Variants in FARS2 observed in about 807,000 individuals in gnomAD.
The protein encoded by FARS2 is phenylalanyl-tRNA synthetase 2, mitochondrial, also known as phenylalanine--tRNA ligase, mitochondrial.
Under a neutral mutation model 46.4 loss-of-function variants are expected in FARS2, and 40 were observed. The ratio of observed to expected loss-of-function variants is 0.86; its 90% CI spans 0.67 to 1.12. The LOEUF (loss-of-function observed/expected upper bound fraction) is 1.12. FARS2 is among the 50% of genes most tolerant of loss of function. The probability of loss-of-function intolerance (pLI) is 0.00; values close to 1 mark genes in which losing one functional copy is unlikely to be tolerated. For synonymous variants in FARS2, 234 were observed against 214.9 expected, an observed-to-expected ratio of 1.09 and a Z score of -0.78; for missense variants, 513 against 567.9, an observed-to-expected ratio of 0.90 and a Z score of 0.98.
intron 6 of FARS2, among the ~76,000 whole-genome samples, chr6:5,624,756 C>G (rs1250952208): frequency 6.6e-6 from 1 of 152,140 alleles, no homozygotes; most frequent in Non-Finnish European, 1.5e-5. Flanking sequence ...TAAACACACA[C>G]CAAGAGCAAC....
chr6:5,771,148 G>C lies in FARS2; in HGVS notation c.1218-143G>C, dbSNP rs978898264. On this transcript the variant is annotated intron_variant, in intron 6 of 6. Coordinates refer to ENST00000274680, the MANE Select transcript of FARS2 (RefSeq NM_006567.5). ...ACCTTCTCCCCCTGTATAAGATGCA[G>C]ATTGTTAGCGGTAAATGGTACCTGG... The C allele has an allele frequency of 7.3e-6, 6 of 823,022 alleles. No homozygotes were observed. In the South Asian group the frequency reaches 9.8e-5, roughly 13 times the overall value. 51.0% of individuals were successfully genotyped at this position (823,022 alleles called of 1,614,324 possible).
rs112738550 is a variant in FARS2 at position 5,272,976 on chromosome 6, T to G, written c.-22+11316T>G. 3.3e-3 allele frequency among the ~76,000 whole-genome samples: 510 copies of G among 152,318 alleles called. 5 individuals are homozygous for G. Among genetic ancestry groups the G allele is most frequent in the African/African-American group, 0.011 (459 of 41,540 alleles). On this transcript the variant is annotated intron_variant, in intron 1 of 6. Transcript: ENST00000274680. ...CCAGTTCCATTCATGTTGCTGCAAA[T>G]GGCAGAACTTCATTCTTTTCTATAG...
intron 4 of FARS2, among the ~76,000 whole-genome samples, chr6:5,442,300 A>G (rs1268657907): frequency 6.6e-6 from 1 of 151,866 alleles, no homozygotes; most frequent in Non-Finnish European, 1.5e-5. Context: ...ATCGGTTACT[A>G]ATCATTTGTC....
chr6:5,605,865 A>G (rs915320040), intron 5 of FARS2, among the ~76,000 whole-genome samples: 21 of 152,230 alleles, frequency 1.4e-4, no homozygotes, highest in African/African-American at 5.1e-4. Context: ...GTAAGTAGAT[A>G]AGGAAAAAAA....
intron 6 of FARS2, among the ~76,000 whole-genome samples, chr6:5,626,850 C>T (rs1468453842): frequency 1.3e-5 from 2 of 152,152 alleles, no homozygotes; most frequent in East Asian, 1.9e-4. Context: ...ATGGAGTGTA[C>T]TTACACAAAC....
intron 5 of FARS2, among the ~76,000 whole-genome samples, chr6:5,591,242 T>G (rs1773901600): frequency 6.6e-6 from 1 of 152,228 alleles, no homozygotes. Context: ...AAATGAAGTT[T>G]AGGTGTCTGA....
chr6:5,578,799 A>C (rs1773142728), intron 5 of FARS2, among the ~76,000 whole-genome samples: 1 of 130,936 alleles, frequency 7.6e-6, no homozygotes, highest in Non-Finnish European at 1.6e-5. Flanking sequence ...ACAGAGCGGC[A>C]CTCCGTCTCA....
upstream of FARS2, chr6:5,260,988 T>TCCGCCCCGCCCCGATCCCGCCC (rs1765067533): frequency 8.9e-7 from 1 of 1,126,336 alleles, no homozygotes. Flanking sequence ...GGGAGATGCC[T>TCCGCCCCGCCCCGATCCCGCCC]CCGCCCCGCC....
At chr6:5,446,767 G>GATAT (rs373591718) in intron 4 of FARS2, among the ~76,000 whole-genome samples, 2 of 151,576 alleles carry the variant, frequency 1.3e-5, no homozygotes, top group African/African-American at 2.4e-5. Flanking sequence ...GATGTTATAA[G>GATAT]ATATATATAT....
chr6:5,383,374 G>C (rs59327800), intron 2 of FARS2, among the ~76,000 whole-genome samples: 35,601 of 152,198 alleles, frequency 0.23, 5,285 homozygotes, highest in East Asian at 0.42. Flanking sequence ...CCCCTCCATG[G>C]CCTGGACATT....
Position 5,530,870 on chromosome 6 carries a change from A to G in FARS2, c.905-14310A>G, listed in dbSNP as rs562436840. On this transcript the variant is annotated intron_variant, in intron 4 of 6. Coordinates refer to ENST00000274680, the MANE Select transcript of FARS2 (RefSeq NM_006567.5). ...TCAATAGATATATATTTATACTTAT[A>G]TATCAATGGATATATAGTTACAATC... is the stretch of plus-strand genomic sequence containing the variant. 3.7e-3 allele frequency among the ~76,000 whole-genome samples: 549 copies of G among 147,664 alleles called. 3 individuals are homozygous for G. The highest frequency in any genetic ancestry group is 6.0e-3 in the Non-Finnish European group (404 of 67,060).
chr6:5,656,269 C>T (rs1464268871), intron 6 of FARS2, among the ~76,000 whole-genome samples: 1 of 152,194 alleles, frequency 6.6e-6, no homozygotes, highest in Non-Finnish European at 1.5e-5. Context: ...GCTGTGGAAG[C>T]CTTGACCTCC....
At chr6:5,366,716 A>G (rs900180972) in intron 1 of FARS2, among the ~76,000 whole-genome samples, 1 of 152,194 alleles carries the variant, frequency 6.6e-6, no homozygotes, top group African/African-American at 2.4e-5. Context: ...GCAGCCCACA[A>G]ATAACTGGAT....
intron 4 of FARS2, among the ~76,000 whole-genome samples, chr6:5,522,093 C>T (rs780841897): frequency 3.9e-5 from 6 of 152,122 alleles, no homozygotes; most frequent in Non-Finnish European, 8.8e-5. Context: ...ACAGATAAAC[C>T]CCTTGAAATT....
At chr6:5,296,296 C>T (rs1767870261) in intron 1 of FARS2, among the ~76,000 whole-genome samples, 1 of 151,890 alleles carries the variant, frequency 6.6e-6, no homozygotes. Context: ...TGCCCATCAC[C>T]ACGCCCAGCT....
chr6:5,612,446 A>C (rs1339739987), intron 5 of FARS2, among the ~76,000 whole-genome samples: 1 of 152,200 alleles, frequency 6.6e-6, no homozygotes, highest in Non-Finnish European at 1.5e-5. Flanking sequence ...ATTTTGATGT[A>C]TATATGTGAG....
chr6:5,639,463 A>T (rs1184921597), intron 6 of FARS2, among the ~76,000 whole-genome samples: 2 of 152,238 alleles, frequency 1.3e-5, no homozygotes, highest in East Asian at 1.9e-4. Flanking sequence ...TCTGGGAATC[A>T]TGACAGATAT....
intron 4 of FARS2, among the ~76,000 whole-genome samples, chr6:5,487,373 A>T (rs1275398892): frequency 6.6e-6 from 1 of 152,206 alleles, no homozygotes; most frequent in Non-Finnish European, 1.5e-5. Flanking sequence ...CAAAAACAGA[A>T]TCAAAGTGAT....
At chr6:5,612,931 A>G (rs1217886456) in intron 5 of FARS2, among the ~76,000 whole-genome samples, 1 of 152,154 alleles carries the variant, frequency 6.6e-6, no homozygotes, top group Non-Finnish European at 1.5e-5. Context: ...GGCAATATAA[A>G]TATAATATAT....
Sources: gnomAD v4.1 joint callset for allele counts (sites outside exome capture counted in the v4.1 genomes callset) on GRCh38, gnomAD v4.1.1 for gene constraint, MANE v1.5 for transcripts, NCBI Gene and HGNC (gene_info 2026-07-23, HGNC 2026-07-21) for gene names.